The following FER1L6 variants were observed in gnomAD, a reference collection of about 807,000 sequenced individuals.
The protein encoded by FER1L6 is fer-1 like family member 6, also known as fer-1-like protein 6.
FER1L6 carries 177 observed loss-of-function variants against 219.2 expected under a neutral mutation model. The observed-to-expected ratio is 0.81, with a 90% confidence interval of 0.71 to 0.91. The LOEUF is 0.91. FER1L6 is among the 40% of genes least tolerant of loss of function. The pLI is 0.00. For synonymous variants in FER1L6, 768 were observed against 824.3 expected, an observed-to-expected ratio of 0.93 and a Z score of 1.17; for missense variants, 2,153 against 2,259.9, an observed-to-expected ratio of 0.95 and a Z score of 0.96.
chr8:124,091,342 A>T (rs1483208425), intron 33 of FER1L6, 81 bp from the exon 34 acceptor site: 1 of 1,156,790 alleles, frequency 8.6e-7, no homozygotes, highest in African/African-American at 1.6e-5. Context: ...TAGCAAGTTA[A>T]ATCTGAAAGA....
At chr8:124,021,798 C>T in intron 17 of FER1L6, 129 bp downstream of exon 17, 1 of 1,000,460 alleles carries the variant, frequency 1.0e-6, no homozygotes, top group South Asian at 1.7e-5. Flanking sequence ...GCTACGCAGG[C>T]ACTCCTAGTT....
At chr8:123,983,608 G>C (rs1816422173) in intron 11 of FER1L6, among the ~76,000 whole-genome samples, 3 of 152,202 alleles carry the variant, frequency 2.0e-5, no homozygotes, top group South Asian at 4.1e-4. Context: ...CCAAGTAAGA[G>C]AGCTGGATGT....
At chr8:124,062,477 C>A (rs567148267) in intron 25 of FER1L6, among the ~76,000 whole-genome samples, 1 of 152,244 alleles carries the variant, frequency 6.6e-6, no homozygotes, top group Non-Finnish European at 1.5e-5. Flanking sequence ...CCACTGCAGG[C>A]CTTACGCCAG....
chr8:124,095,323 G>A (rs1476558512), intron 35 of FER1L6, among the ~76,000 whole-genome samples: 1 of 152,200 alleles, frequency 6.6e-6, no homozygotes, highest in East Asian at 1.9e-4. Flanking sequence ...CTGCCCTGGA[G>A]TCAGTGTTCA....
At chr8:123,999,137 C>A (rs1817285190) in intron 12 of FER1L6, among the ~76,000 whole-genome samples, 1 of 152,174 alleles carries the variant, frequency 6.6e-6, no homozygotes, top group African/African-American at 2.4e-5. Flanking sequence ...AGGGGTTTCT[C>A]CCCATAGTTA....
intron 18 of FER1L6, among the ~76,000 whole-genome samples, chr8:124,025,894 G>A (rs1818687453): frequency 6.6e-6 from 1 of 152,122 alleles, no homozygotes; most frequent in Non-Finnish European, 1.5e-5. Context: ...CTTTTCACTT[G>A]TGTAATTTGT....
intron 1 of FER1L6, among the ~76,000 whole-genome samples, chr8:123,931,889 A>C (rs1428921021): frequency 6.6e-6 from 1 of 152,232 alleles, no homozygotes; most frequent in Non-Finnish European, 1.5e-5. Context: ...ATGGAACTAA[A>C]TATTGAAGTA....
chr8:123,929,966 G>GT (rs11390460), intron 1 of FER1L6, among the ~76,000 whole-genome samples: 56,736 of 144,392 alleles, frequency 0.39, 11,372 homozygotes, highest in South Asian at 0.52. Flanking sequence ...AGATGGCACT[G>GT]TTTTTTTTTT....
chr8:123,912,236 G>T (rs1813058490), intron 1 of FER1L6, among the ~76,000 whole-genome samples: 1 of 151,732 alleles, frequency 6.6e-6, no homozygotes. Flanking sequence ...TTCAAAAGAT[G>T]AAGAAACTGA....
chr8:123,948,464 ACTTTC>A (rs1814598256), intron 1 of FER1L6, among the ~76,000 whole-genome samples: 2 of 152,356 alleles, frequency 1.3e-5, no homozygotes, highest in African/African-American at 4.8e-5. Context: ...CTAATGTTGC[ACTTTC>A]CAATCTACAA....
rs2131060226 is a variant in FER1L6, at chr8:124,120,016, C to T, written c.*226C>T. 1 of 420,644 alleles carries T rather than the reference C, an allele frequency of 2.4e-6. No homozygotes were observed. Among genetic ancestry groups the T allele is most frequent in the Non-Finnish European group, 4.2e-6 (1 of 240,152 alleles). 26.1% of individuals were successfully genotyped at this position (420,644 alleles called of 1,614,324 possible). On this transcript the variant is annotated 3_prime_UTR_variant, in exon 41 of 41. Coordinates refer to ENST00000522917, the MANE Select transcript of FER1L6 (RefSeq NM_001039112.2). ...ATCCCTTGGGCAGCATGAAATAAGG[C>T]ACTTTCACCTCATGGTAATCAACAA...
At chr8:124,105,330 G>A (rs551672099) in intron 39 of FER1L6, among the ~76,000 whole-genome samples, 2 of 152,206 alleles carry the variant, frequency 1.3e-5, no homozygotes, top group South Asian at 4.1e-4. Context: ...GGTGAAGTGG[G>A]GAGGACACCA....
chr8:123,912,031 G>T lies in FER1L6; in HGVS notation c.-7-43961G>T, dbSNP rs544332846. Among the ~76,000 whole-genome samples, 4 of 152,208 alleles carry T rather than the reference G, an allele frequency of 2.6e-5. No homozygotes were observed. In the East Asian group the frequency reaches 5.8e-4, roughly 22 times the overall value. On this transcript the variant is annotated intron_variant, in intron 1 of 40. Coordinates refer to ENST00000522917, the MANE Select transcript of FER1L6 (RefSeq NM_001039112.2). ...TTTGGCATGGAGTGAGCAAATAAGG[G>T]AGTGCACTGAAAACCAACCCCTAGA...
At chr8:124,024,765 C>A (rs1394775378) in intron 18 of FER1L6, among the ~76,000 whole-genome samples, 2 of 152,094 alleles carry the variant, frequency 1.3e-5, no homozygotes, top group Non-Finnish European at 2.9e-5. Context: ...ATTTTTAGTT[C>A]TTTGAGAAAT....
chr8:124,010,745 G>T (rs114927246), intron 14 of FER1L6, 31 bp downstream of exon 14: 1 of 1,608,144 alleles, frequency 6.2e-7, no homozygotes, highest in Admixed American at 1.7e-5. Flanking sequence ...ATGGATTAGA[G>T]AATTGGGAAG....
At chr8:123,954,618 T>C (rs1814929020) in intron 1 of FER1L6, among the ~76,000 whole-genome samples, 1 of 152,186 alleles carries the variant, frequency 6.6e-6, no homozygotes, top group African/African-American at 2.4e-5. Flanking sequence ...TGCTAAATAC[T>C]TTCCATTTAT....
At chr8:123,879,957 C>G (rs1044922745) in intron 1 of FER1L6, among the ~76,000 whole-genome samples, 1 of 152,094 alleles carries the variant, frequency 6.6e-6, no homozygotes, top group Non-Finnish European at 1.5e-5. Context: ...GGTGCTGTCC[C>G]CCGTTCACCA....
At chr8:124,039,521 C>T (rs1417812908) in intron 19 of FER1L6, among the ~76,000 whole-genome samples, 2 of 152,064 alleles carry the variant, frequency 1.3e-5, no homozygotes, top group East Asian at 1.9e-4. Flanking sequence ...GAAATAAAAT[C>T]GATGCTCCGG....
chr8:123,936,715 C>A (rs916777957), intron 1 of FER1L6, among the ~76,000 whole-genome samples: 2 of 152,046 alleles, frequency 1.3e-5, no homozygotes, highest in African/African-American at 4.8e-5. Context: ...TTGCCCATAG[C>A]AGACACAAAT....
Sources: allele counts gnomAD v4.1 joint callset (sites outside exome capture counted in the v4.1 genomes callset), GRCh38; gene constraint gnomAD v4.1.1; transcripts MANE v1.5; gene names NCBI Gene and HGNC (gene_info 2026-07-23, HGNC 2026-07-21).